Variants in SPRED1 observed in about 807,000 individuals in gnomAD.
SPRED1 encodes sprouty-related, EVH1 domain-containing protein 1.
SPRED1 carries 18 observed loss-of-function variants against 52.3 expected under a neutral mutation model. That is an observed-to-expected ratio of 0.34 (90% CI 0.24 to 0.51). The LOEUF (loss-of-function observed/expected upper bound fraction) is 0.51, where lower values mean the gene tolerates loss of function less well. Among genes scored for constraint, SPRED1 ranks in the 20% least tolerant of loss-of-function variants. The pLI, the probability that SPRED1 is intolerant of heterozygous loss-of-function variation, is 0.97. For missense variants in SPRED1, 485 were observed against 551.0 expected, an observed-to-expected ratio of 0.88 and a Z score of 1.20; for synonymous variants, 155 against 179.7, an observed-to-expected ratio of 0.86 and a Z score of 1.10.
intron 1 of SPRED1, among the ~76,000 whole-genome samples, chr15:38,291,640 C>G (rs966136332): frequency 6.6e-5 from 10 of 152,236 alleles, no homozygotes; most frequent in African/African-American, 2.2e-4. Context: ...GGTTCAACAC[C>G]ATGTAGAAGC....
intron 2 of SPRED1, among the ~76,000 whole-genome samples, chr15:38,308,336 A>G (rs74597184): frequency 3.9e-4 from 59 of 152,342 alleles, no homozygotes; most frequent in Admixed American, 6.5e-4. Context: ...TTCTGTTGAT[A>G]CAATCTATCA....
At chr15:38,292,872 T>A (rs1894953290) in intron 1 of SPRED1, among the ~76,000 whole-genome samples, 1 of 152,082 alleles carries the variant, frequency 6.6e-6, no homozygotes, top group African/African-American at 2.4e-5. Flanking sequence ...TGAGACAAAT[T>A]TAGACAATTT....
At chr15:38,301,583 C>G (rs988582052) in intron 2 of SPRED1, among the ~76,000 whole-genome samples, 1 of 152,070 alleles carries the variant, frequency 6.6e-6, no homozygotes. Context: ...TGATCAAAGG[C>G]AGAGGCGATA....
chr15:38,252,934 C>G lies in SPRED1; in HGVS notation c.-252C>G. On this transcript the variant is annotated 5_prime_UTR_variant, in exon 1 of 7. Coordinates refer to ENST00000299084, the MANE Select transcript of SPRED1 (RefSeq NM_152594.3). Reference sequence around the variant, plus strand: ...CACCGGGCCTCCTCGGATCCCTTGGCTGGGCACTGAGGCGGGGGAAGAGGC... The same window carrying G: ...CACCGGGCCTCCTCGGATCCCTTGGGTGGGCACTGAGGCGGGGGAAGAGGC... 3.4e-6 allele frequency: 2 copies of G among 585,388 alleles called. No individual in the cohort carries two copies. The highest frequency in any genetic ancestry group is 6.1e-6 in the Non-Finnish European group (2 of 328,870). The allele number at this position is 585,388 out of a possible 1,614,324, so 36.3% of individuals were successfully genotyped here. A position where few individuals can be genotyped will look rare whatever the true frequency, so the allele number is the denominator to read the frequency against.
At chr15:38,324,154 G>T (rs1449681951) in intron 3 of SPRED1, among the ~76,000 whole-genome samples, 1 of 152,136 alleles carries the variant, frequency 6.6e-6, no homozygotes, top group Non-Finnish European at 1.5e-5. Flanking sequence ...GCTAAGCTGT[G>T]CCTCTCAAGG....
intron 4 of SPRED1, among the ~76,000 whole-genome samples, chr15:38,331,890 T>C (rs1448517397): frequency 2.0e-5 from 3 of 152,168 alleles, no homozygotes; most frequent in African/African-American, 7.2e-5. Context: ...TAATAAATAA[T>C]ACAAGTACAC....
intron 1 of SPRED1, among the ~76,000 whole-genome samples, chr15:38,298,279 C>T (rs1895078482): frequency 6.6e-6 from 1 of 152,088 alleles, no homozygotes. Context: ...ACAGTACAAC[C>T]ACTTTGGAAG....
intron 1 of SPRED1, among the ~76,000 whole-genome samples, chr15:38,276,211 T>G (rs1894548367): frequency 8.2e-6 from 1 of 122,588 alleles, no homozygotes; most frequent in African/African-American, 3.8e-5. Context: ...GCTGTGAATG[T>G]TTTTTTTTTT....
chr15:38,306,326 A>T (rs543524887), intron 2 of SPRED1, among the ~76,000 whole-genome samples: 2 of 152,282 alleles, frequency 1.3e-5, no homozygotes, highest in East Asian at 3.9e-4. Flanking sequence ...GATTATGTGG[A>T]GTAGAGAATG....
chr15:38,264,296 A>G (rs1479215043), intron 1 of SPRED1, among the ~76,000 whole-genome samples: 1 of 152,238 alleles, frequency 6.6e-6, no homozygotes, highest in East Asian at 1.9e-4. Context: ...TATTTATACC[A>G]CACTGTACGT....
intron 1 of SPRED1, among the ~76,000 whole-genome samples, chr15:38,280,889 C>T (rs1312363605): frequency 1.3e-5 from 2 of 152,210 alleles, no homozygotes. Context: ...CCTAGCTCAT[C>T]ACCTAAACAT....
Position 38,322,331 on chromosome 15 carries a change from G to C in SPRED1, c.298G>C (p.Gly100Arg). 6.2e-7 allele frequency: 1 copy of C among 1,613,856 alleles called. No homozygotes were observed. The highest frequency in any genetic ancestry group is 8.5e-7 in the Non-Finnish European group (1 of 1,179,878). Residue 100 changes from glycine to arginine, a missense_variant, in exon 3 of 7, where the codon GGT becomes CGT. Gly to Arg is a moderately radical substitution (Grantham distance 125). This residue lies in a region of SPRED1 where 232 missense variants were observed against 231.8 expected (regional missense o/e 1.00). Transcript: ENST00000299084. ...CTGGAAGATTGATGACAAGAAGTTTGGTCTTACGTTTCAAAGTCCTGCTGA... is the reference window on the plus strand; with the variant it reads ...CTGGAAGATTGATGACAAGAAGTTTCGTCTTACGTTTCAAAGTCCTGCTGA... ...HHWKIDDKKF[G>R]LTFQSPADAR... is the part of the protein sequence containing the mutation.
At chr15:38,335,633 T>A (rs1387802393) in intron 4 of SPRED1, among the ~76,000 whole-genome samples, 1 of 152,124 alleles carries the variant, frequency 6.6e-6, no homozygotes, top group Non-Finnish European at 1.5e-5. Flanking sequence ...ACAGTATATT[T>A]GTATTATATT....
intron 1 of SPRED1, among the ~76,000 whole-genome samples, chr15:38,259,383 G>A (rs1417194701): frequency 5.9e-5 from 9 of 152,132 alleles, no homozygotes; most frequent in Non-Finnish European, 1.0e-4. Flanking sequence ...TGCCTCTTAA[G>A]TAGCTAGGAC....
At chr15:38,254,212 G>C (rs1406139419) in intron 1 of SPRED1, among the ~76,000 whole-genome samples, 1 of 152,132 alleles carries the variant, frequency 6.6e-6, no homozygotes, top group Non-Finnish European at 1.5e-5. Context: ...AAGTGAGTTA[G>C]GACTTAGTCA....
chr15:38,351,272 C>G lies in SPRED1; in HGVS notation c.943C>G (p.Pro315Ala). ...PKDSVVFKTQ[P>A]SSLKIKKSKR... ...AGACTCTGTGGTATTTAAGACGCAG[C>G]CTTCCTCATTAAAAATTAAGAAGTC... Residue 315 changes from proline (P) to alanine (A), a missense_variant, in exon 7 of 7, where the codon CCT (proline) becomes GCT (alanine). Physicochemically the swap from Pro to Ala is conservative, Grantham distance 27. Around this residue, in one of 5 missense-constraint regions of SPRED1, gnomAD observed 205 missense variants for 245.2 expected, o/e 0.84. Transcript: ENST00000299084. 6.2e-7 allele frequency: 1 copy of G among 1,614,036 alleles called. No homozygotes were observed. Among genetic ancestry groups the G allele is most frequent in the Non-Finnish European group, 8.5e-7 (1 of 1,179,998 alleles).
rs75870109 is a variant in SPRED1, at chr15:38,282,307, T to C, written c.33-17066T>C. 1.2e-4 allele frequency among the ~76,000 whole-genome samples: 17 copies of C among 136,072 alleles called. No homozygotes were observed. The East Asian group carries it at 3.3e-3, about 26-fold the overall frequency. The allele number at this position is 136,072 out of a possible 152,430, so 89.3% of individuals were successfully genotyped here. On this transcript the variant is annotated intron_variant, in intron 1 of 6. Transcript: ENST00000299084. The stretch of plus-strand genomic sequence containing the variant: ...CTGGCCAACATCCTGAAACCCCATC[T>C]CTACTAAAAATACACACACACACAC...
At chr15:38,346,246 G>A (rs781049882) in intron 5 of SPRED1, among the ~76,000 whole-genome samples, 2 of 151,692 alleles carry the variant, frequency 1.3e-5, no homozygotes, top group Non-Finnish European at 2.9e-5. Flanking sequence ...GAGCCAGGGA[G>A]GTCCAGGCCA....
intron 1 of SPRED1, among the ~76,000 whole-genome samples, chr15:38,282,394 C>T (rs1894710819): frequency 1.3e-5 from 2 of 151,886 alleles, no homozygotes; most frequent in Non-Finnish European, 2.9e-5. Flanking sequence ...GTAATTCCCA[C>T]CACTTGGGAG....
Sources: gnomAD v4.1 joint callset for allele counts (sites outside exome capture counted in the v4.1 genomes callset) on GRCh38, gnomAD v4.1.1 for gene constraint, gnomAD v4.1.1 regional missense constraint, MANE v1.5 for transcripts, NCBI Gene and HGNC (gene_info 2026-07-23, HGNC 2026-07-21) for gene names.